The following KHNYN variants were observed in gnomAD, a reference collection of about 807,000 sequenced individuals.
KHNYN encodes the protein KH and NYN domain containing.
KHNYN carries 42 observed loss-of-function variants against 62.7 expected under a neutral mutation model. That is an observed-to-expected ratio of 0.67 (90% CI 0.52 to 0.87). The LOEUF (loss-of-function observed/expected upper bound fraction) is 0.87. Ranked by LOEUF, KHNYN falls within the 40% of genes least tolerant of loss-of-function variation. The pLI, the probability that KHNYN is intolerant of heterozygous loss-of-function variation, is 0.00. For synonymous variants in KHNYN, 347 were observed against 345.6 expected, an observed-to-expected ratio of 1.00 and a Z score of -0.04; for missense variants, 829 against 874.1, an observed-to-expected ratio of 0.95 and a Z score of 0.65.
At chr14:24,429,692 CT>C, upstream of KHNYN, 3 of 985,414 alleles carry the variant, frequency 3.0e-6, no homozygotes, top group Non-Finnish European at 3.6e-6. Context: ...TCGGCCACAT[CT>C]TTATTCGCGG....
chr14:24,427,842 G>A, upstream of KHNYN: 1 of 1,614,144 alleles, frequency 6.2e-7, no homozygotes, highest in East Asian at 2.2e-5. This position sits in a 1 kb window ranked among gnomAD's most constrained non-coding sequence, Gnocchi z 4.4. Context: ...CAACCACCCA[G>A]TAGATTCCCC....
chr14:24,429,845 G>A (rs577693605), upstream of KHNYN: 13,735 of 1,026,574 alleles, frequency 0.013, 109 homozygotes, highest in Non-Finnish European at 0.014. Flanking sequence ...GGACTAGGCC[G>A]AGCGGGCCCG....
chr14:24,427,856 C>T (rs761676366), upstream of KHNYN: 83 of 1,613,996 alleles, frequency 5.1e-5, no homozygotes, highest in East Asian at 2.9e-4. This position sits in a 1 kb window ranked among gnomAD's most constrained non-coding sequence, Gnocchi z 4.4. Flanking sequence ...ATTCCCCCGA[C>T]GCAGGCGCAG....
At position 24,438,998 on chromosome 14, in the gene KHNYN, G is replaced by A. The variant is rs2043249792; in HGVS notation, c.*1713G>A. 6.6e-6 allele frequency: 1 copy of A among 150,934 alleles called. No individual in the cohort carries two copies. The highest frequency in any genetic ancestry group is 6.6e-5 in the Admixed American group (1 of 15,240). 9.3% of individuals were successfully genotyped at this position (150,934 alleles called of 1,614,324 possible). ...CCACTGTACCATACTGACCCAGGCT[G>A]GGGGCAGGTGTGTTGGAGACAGGCT... On this transcript the variant is annotated 3_prime_UTR_variant, in exon 8 of 8. Coordinates refer to ENST00000553935, the MANE Select transcript of KHNYN (RefSeq NM_015299.3).
upstream of KHNYN, chr14:24,429,486 A>C: frequency 2.2e-6 from 1 of 464,950 alleles, no homozygotes. Context: ...CCTTCCTCCT[A>C]CTCTTCCTCT....
rs769878896 is a variant in KHNYN, at chr14:24,440,422, G to GC, written c.*3143dup. On this transcript the variant is annotated 3_prime_UTR_variant, in exon 8 of 8. Transcript: ENST00000553935. ...AGAATTGGTGGCCTGAGCCGATGGG[G>GC]CCCCCCAGGCCCAGGCGAAAGGGCA... 2.5e-6 allele frequency: 4 copies of GC among 1,612,960 alleles called. No individual in the cohort carries two copies. The highest frequency in any genetic ancestry group is 1.7e-5 in the Admixed American group (1 of 59,870).
At position 24,436,994 on chromosome 14, in the gene KHNYN, C is replaced by G. The variant is rs762007014; in HGVS notation, c.1788-42C>G. On this transcript the variant is annotated intron_variant, in intron 7 of 7. Transcript: ENST00000553935. Reference sequence around the variant, plus strand: ...GTGCCCACTAAGATCTAATTTCCCCCCCAGGATGCTCATCAGCTCTTTTTG... The same window carrying G: ...GTGCCCACTAAGATCTAATTTCCCCGCCAGGATGCTCATCAGCTCTTTTTG... The G allele has an allele frequency of 2.5e-6, 4 of 1,584,750 alleles. 1 individual carries two copies. The highest frequency in any genetic ancestry group is 3.5e-5 in the Admixed American group (2 of 56,594).
upstream of KHNYN, among the ~76,000 whole-genome samples, chr14:24,425,878 C>T (rs990472870): frequency 7.2e-5 from 11 of 152,332 alleles, no homozygotes; most frequent in African/African-American, 9.6e-5. Flanking sequence ...CCACCAGTAT[C>T]TTTCATTCTT....
At chr14:24,436,591 T>C in intron 7 of KHNYN, 102 bp downstream of exon 7, 1 of 840,784 alleles carries the variant, frequency 1.2e-6, no homozygotes, top group Non-Finnish European at 1.8e-6. Flanking sequence ...TTGGGCCAGC[T>C]TAATTTTGCA....
At chr14:24,430,457 C>A in intron 1 of KHNYN, 1 of 1,293,302 alleles carries the variant, frequency 7.7e-7, no homozygotes, top group Non-Finnish European at 9.9e-7. Context: ...CTTCTTGCTC[C>A]GGACTGTGGT....
chr14:24,428,248 C>A, upstream of KHNYN: 1 of 1,609,042 alleles, frequency 6.2e-7, no homozygotes, highest in Middle Eastern at 1.7e-4. Flanking sequence ...CCCTCCCCAC[C>A]CTCCTGAGCC....
upstream of KHNYN, chr14:24,428,830 A>C (rs776754412): frequency 1.9e-6 from 3 of 1,612,928 alleles, no homozygotes; most frequent in Non-Finnish European, 2.5e-6. Flanking sequence ...TTCGGACCGC[A>C]GCAAATGCCA....
At chr14:24,435,994 C>A (rs2139394607) in intron 5 of KHNYN, 78 bp from the exon 6 acceptor site, 4 of 1,097,774 alleles carry the variant, frequency 3.6e-6, no homozygotes, top group African/African-American at 1.5e-5. Flanking sequence ...TTTAATGTAA[C>A]CATGATCCAA....
chr14:24,432,623 T>A lies in KHNYN; in HGVS notation c.1349+13T>A. 1 of 1,607,272 alleles carries A rather than the reference T, an allele frequency of 6.2e-7. No homozygotes were observed. Among genetic ancestry groups the A allele is most frequent in the Non-Finnish European group, 8.5e-7 (1 of 1,175,084 alleles). ...ACGTGGCCATGGTGTGAGTACCTGG[T>A]GGGGCTAAGGGCCTAGGAGAGGGAG... On this transcript the variant is annotated intron_variant, in intron 3 of 7. Coordinates refer to ENST00000553935, the MANE Select transcript of KHNYN (RefSeq NM_015299.3). The surrounding 1 kb of genome is among the most constrained non-coding windows in gnomAD (Gnocchi z 5.6).
At chr14:24,428,921 C>T, upstream of KHNYN, 1 of 1,563,006 alleles carries the variant, frequency 6.4e-7, no homozygotes, top group South Asian at 1.2e-5. Flanking sequence ...GACCACCAGG[C>T]ACTCCCCCTC....
At position 24,431,943 on chromosome 14, in the gene KHNYN, C is replaced by G; in HGVS notation, c.682C>G (p.Pro228Ala). The change falls in exon 3 of 8, where the codon CCT (proline) becomes GCT (alanine). Residue 228 changes from proline to alanine, a missense_variant. Physicochemically the swap from Pro to Ala is conservative, Grantham distance 27. This residue lies in a region of KHNYN where 559 missense variants were observed against 527.0 expected (regional missense o/e 1.06). Coordinates refer to ENST00000553935, the MANE Select transcript of KHNYN (RefSeq NM_015299.3). ...GAQCQGVRAP[P>A]SDGRESLDTG... ...TCAGTGCCAAGGAGTGAGAGCTCCC[C>G]CTAGTGACGGCAGGGAGTCCCTGGA... 1.9e-6 allele frequency: 3 copies of G among 1,613,468 alleles called. No individual in the cohort carries two copies. The South Asian group carries it at 3.3e-5, about 18-fold the overall frequency.
chr14:24,438,275 G>A lies in KHNYN; in HGVS notation c.*990G>A, dbSNP rs774816934. On this transcript the variant is annotated 3_prime_UTR_variant, in exon 8 of 8. Transcript: ENST00000553935. ...TCCCTGGTTAGATGCACTTCCTGGT[G>A]TTGAGATGAACACGTCGATTTTTCA... 3 of 151,584 alleles carry A rather than the reference G, an allele frequency of 2.0e-5. No individual in the cohort carries two copies. The highest frequency in any genetic ancestry group is 4.4e-5 in the Non-Finnish European group (3 of 68,038). 9.4% of individuals were successfully genotyped at this position (151,584 alleles called of 1,614,324 possible). A position where few individuals can be genotyped will look rare whatever the true frequency, so the allele number is the denominator to read the frequency against.
chr14:24,430,665 T>G, intron 1 of KHNYN, 49 bp from the exon 2 acceptor site: 1 of 1,531,776 alleles, frequency 6.5e-7, no homozygotes, highest in Non-Finnish European at 8.8e-7. Flanking sequence ...GGAACCAGGA[T>G]TTGGATGGAG....
intron 5 of KHNYN, 70 bp from the exon 6 acceptor site, chr14:24,436,002 C>A: frequency 8.5e-7 from 1 of 1,176,098 alleles, no homozygotes; most frequent in South Asian, 1.2e-5. Flanking sequence ...AACCATGATC[C>A]AAACAGTGAA....
Sources: allele counts gnomAD v4.1 joint callset (sites outside exome capture counted in the v4.1 genomes callset), GRCh38; gene constraint gnomAD v4.1.1; regional missense constraint gnomAD v4.1.1; non-coding constraint Gnocchi (gnomAD v3.1); transcripts MANE v1.5; gene names NCBI Gene and HGNC (gene_info 2026-07-23, HGNC 2026-07-21).